The following ROS1 variants were observed in gnomAD, a reference collection of about 807,000 sequenced individuals.
ROS1 encodes proto-oncogene tyrosine-protein kinase ROS.
In ROS1, 263 loss-of-function variants were observed where a neutral mutation model predicts 273.5. The observed-to-expected ratio is 0.96, with a 90% CI of 0.87 to 1.06. ROS1 has a LOEUF of 1.06. ROS1 is among the 50% of genes least tolerant of loss of function. The pLI, the probability that ROS1 is intolerant of heterozygous loss-of-function variation, is 0.00. For synonymous variants in ROS1, 1,008 were observed against 954.1 expected, an observed-to-expected ratio of 1.06 and a Z score of -1.04; for missense variants, 2,833 against 2,751.1, an observed-to-expected ratio of 1.03 and a Z score of -0.67.
intron 42 of ROS1, among the ~76,000 whole-genome samples, chr6:117,308,429 C>G (rs924424649): frequency 1.3e-5 from 2 of 151,862 alleles, no homozygotes; most frequent in Non-Finnish European, 2.9e-5. Flanking sequence ...GATTAAGATA[C>G]TAGTCAAATC....
At chr6:117,300,940 C>G (rs369052901) in intron 43 of ROS1, 34 bp downstream of exon 43, 4 of 1,514,874 alleles carry the variant, frequency 2.6e-6, no homozygotes, top group Middle Eastern at 1.9e-4. Flanking sequence ...CACAGTGCAG[C>G]GAAAACTAGA....
At chr6:117,337,404 A>C (rs1777565403) in intron 31 of ROS1, 64 bp from the exon 32 acceptor site, 1 of 1,282,418 alleles carries the variant, frequency 7.8e-7, no homozygotes, top group Admixed American at 2.2e-5. Flanking sequence ...AAACACAAAA[A>C]TGTATAGGCT....
rs1336457582 is a variant in ROS1 at position 117,396,947 on chromosome 6, C to T, written c.774G>A (p.Gln258=). 62 of 1,614,022 alleles carry T rather than the reference C, an allele frequency of 3.8e-5. No homozygotes were observed. The highest frequency in any genetic ancestry group is 5.1e-5 in the Non-Finnish European group (60 of 1,179,912). Residue 258 remains glutamine, a synonymous_variant, in exon 8 of 44, where the codon CAG becomes CAA. Coordinates refer to ENST00000368507, the MANE Select transcript of ROS1 (RefSeq NM_001378902.1). ...LDAGTQRTSF[Q]FYSTLPNTIY... is the part of the protein sequence containing the mutation. ...TAGTATTTGGTAAAGTGGAGTAAAA[C>T]TGGAAACTGGTTCTCTGTGTCCCTG...
chr6:117,421,532 A>AAATAATGGCCTCCATAG (rs1168418429), intron 1 of ROS1, among the ~76,000 whole-genome samples: 96 of 152,200 alleles, frequency 6.3e-4, no homozygotes, highest in Middle Eastern at 3.4e-3. Context: ...ATTCCTGGCC[A>AAATAATGGCCTCCATAG]AATAATGGCC....
At chr6:117,364,091 C>T (rs1780016929) in intron 21 of ROS1, among the ~76,000 whole-genome samples, 1 of 152,144 alleles carries the variant, frequency 6.6e-6, no homozygotes, top group Admixed American at 6.5e-5. Context: ...AAGTCCATTT[C>T]CACAGGACAA....
chr6:117,359,033 C>T (rs1779562107), intron 24 of ROS1, among the ~76,000 whole-genome samples: 1 of 152,118 alleles, frequency 6.6e-6, no homozygotes, highest in Admixed American at 6.5e-5. Flanking sequence ...TAAAGGAGGC[C>T]CATTATGCTC....
chr6:117,315,583 T>G (rs1741879901), intron 39 of ROS1, among the ~76,000 whole-genome samples: 2 of 152,072 alleles, frequency 1.3e-5, no homozygotes, highest in Non-Finnish European at 2.9e-5. Context: ...GATAAAGAGT[T>G]TTCAACCTAA....
In ROS1 at chr6:117,318,035, A is replaced by G. The variant is rs1033293908; in HGVS notation, c.5987+153T>C. The stretch of plus-strand genomic sequence containing the variant: ...AGGCTCAGAAGATTGGCCTCTATAG[A>G]CTACTTGCTCTGCAGATGTAGTTCC... On this transcript the variant is annotated intron_variant, in intron 38 of 43. Coordinates refer to ENST00000368507, the MANE Select transcript of ROS1 (RefSeq NM_001378902.1). Among the ~76,000 whole-genome samples the G allele has an allele frequency of 3.9e-5, 6 of 152,086 alleles. No homozygotes were observed. The South Asian group carries it at 6.2e-4, about 16-fold the overall frequency.
At chr6:117,308,555 A>T (rs1407438114) in intron 42 of ROS1, among the ~76,000 whole-genome samples, 1 of 152,132 alleles carries the variant, frequency 6.6e-6, no homozygotes, top group African/African-American at 2.4e-5. Flanking sequence ...TTACTTAACC[A>T]GAAGTATTTT....
chr6:117,367,834 A>T (rs1378856255), intron 18 of ROS1, among the ~76,000 whole-genome samples: 4 of 152,312 alleles, frequency 2.6e-5, no homozygotes, highest in African/African-American at 7.2e-5. Flanking sequence ...GATTTAAAAA[A>T]ATCAATTCCA....
At position 117,288,766 on chromosome 6, in the gene ROS1, T is replaced by C. The variant is rs375010729; in HGVS notation, c.6752A>G (p.Asp2251Gly). 63 of 1,608,130 alleles carry C rather than the reference T, an allele frequency of 3.9e-5. No individual in the cohort carries two copies. Among genetic ancestry groups the C allele is most frequent in the Non-Finnish European group, 5.2e-5 (61 of 1,177,334 alleles). The change falls in exon 44 of 44, where the codon GAC becomes GGC. Residue 2251 changes from aspartate to glycine, a missense_variant. Physicochemically the swap from Asp to Gly is moderately conservative, Grantham distance 94. Coordinates refer to ENST00000368507, the MANE Select transcript of ROS1 (RefSeq NM_001378902.1). ...DGDVICLNSD[D>G]IMPVALMETK... ...TTCCATTAAAGCAACTGGCATAATG[T>C]CATCTGAATTCAAACAAATCACATC...
intron 38 of ROS1, among the ~76,000 whole-genome samples, chr6:117,317,556 G>A (rs551355135): frequency 2.6e-5 from 4 of 152,212 alleles, no homozygotes; most frequent in African/African-American, 4.8e-5. Context: ...GACTAGTAGC[G>A]TCCTTGAAAA....
At chr6:117,354,808 TAAGA>T (rs2128640662) in intron 26 of ROS1, among the ~76,000 whole-genome samples, 1 of 152,316 alleles carries the variant, frequency 6.6e-6, no homozygotes, top group Admixed American at 6.5e-5. Context: ...GTTAAAATGG[TAAGA>T]AAGACTTTAG....
intron 32 of ROS1, among the ~76,000 whole-genome samples, chr6:117,335,096 A>G (rs1345484388): frequency 6.6e-6 from 1 of 152,232 alleles, no homozygotes; most frequent in Admixed American, 6.5e-5. Flanking sequence ...TATCCATCTG[A>G]CAAAGGGCTA....
intron 43 of ROS1, among the ~76,000 whole-genome samples, chr6:117,297,148 C>A (rs1443808696): frequency 1.3e-5 from 2 of 151,974 alleles, no homozygotes; most frequent in Admixed American, 6.6e-5. Context: ...ATAAATGGTG[C>A]TGGGGAAATT....
At chr6:117,416,429 G>A (rs1582898866) in intron 2 of ROS1, 112 bp from the exon 3 acceptor site, 1 of 733,956 alleles carries the variant, frequency 1.4e-6, no homozygotes, top group East Asian at 2.6e-5. Context: ...TTTAGAAATA[G>A]AAACCTACCA....
At chr6:117,353,979 C>T (rs758400838) in intron 26 of ROS1, among the ~76,000 whole-genome samples, 24 of 152,204 alleles carry the variant, frequency 1.6e-4, no homozygotes, top group South Asian at 4.2e-4. Flanking sequence ...AATGAAATCA[C>T]GGGAGGGCGA....
chr6:117,398,170 T>G (rs1406002679), intron 7 of ROS1, among the ~76,000 whole-genome samples: 1 of 152,044 alleles, frequency 6.6e-6, no homozygotes, highest in Non-Finnish European at 1.5e-5. Context: ...ATGTCAAAAT[T>G]TTAAGTCATT....
intron 33 of ROS1, among the ~76,000 whole-genome samples, chr6:117,327,903 G>A (rs1004896211): frequency 2.6e-5 from 4 of 152,120 alleles, no homozygotes; most frequent in African/African-American, 9.7e-5. Flanking sequence ...ATGCACCTAC[G>A]AGCCAAGGAA....
Sources: allele counts gnomAD v4.1 joint callset (sites outside exome capture counted in the v4.1 genomes callset), GRCh38; gene constraint gnomAD v4.1.1; transcripts MANE v1.5; gene names NCBI Gene and HGNC (gene_info 2026-07-23, HGNC 2026-07-21).